The following VWA3B variants were observed in gnomAD, a reference collection of about 807,000 sequenced individuals.
VWA3B encodes von Willebrand factor A domain containing 3B.
In VWA3B, 138 loss-of-function variants were observed where a neutral mutation model predicts 158.3. The observed-to-expected ratio is 0.87, with a 90% CI of 0.76 to 1.00. VWA3B has a LOEUF of 1.00. Ranked by LOEUF, VWA3B falls within the 50% of genes least tolerant of loss-of-function variation. The pLI is 0.00. For synonymous variants in VWA3B, 596 were observed against 587.3 expected, an observed-to-expected ratio of 1.01 and a Z score of -0.21; for missense variants, 1,555 against 1,565.1, an observed-to-expected ratio of 0.99 and a Z score of 0.11.
intron 23 of VWA3B, among the ~76,000 whole-genome samples, chr2:98,296,703 G>A (rs1217361555): frequency 6.6e-6 from 1 of 152,208 alleles, no homozygotes; most frequent in African/African-American, 2.4e-5. Context: ...GTCTCCAGGA[G>A]GGTCTGTGAG....
At chr2:98,137,635 T>C (rs1159829021) in intron 7 of VWA3B, among the ~76,000 whole-genome samples, 1 of 152,182 alleles carries the variant, frequency 6.6e-6, no homozygotes, top group East Asian at 1.9e-4. Flanking sequence ...GGTTATTAAG[T>C]TTAAAGATAT....
intron 12 of VWA3B, among the ~76,000 whole-genome samples, chr2:98,210,877 T>C (rs1683452171): frequency 2.0e-5 from 3 of 152,098 alleles, no homozygotes; most frequent in Non-Finnish European, 2.9e-5. Context: ...ACTTGAGAGA[T>C]TGTGACTCCA....
In VWA3B at chr2:98,228,285, C is replaced by T. The variant is rs1574139111; in HGVS notation, c.2103C>T (p.Ser701=). ...AGATGCAAGACCTTTATTCTGAGTC[C>T]TTGATCATGGACTGGTGGTACAATG... The part of the protein sequence containing the change: ...LEKMQDLYSE[S]LIMDWWYNAE... The change falls in exon 15 of 28, where the codon TCC becomes TCT. Residue 701 remains serine, a synonymous_variant. Coordinates refer to ENST00000477737, the MANE Select transcript of VWA3B (RefSeq NM_144992.5). 6.2e-7 allele frequency: 1 copy of T among 1,613,994 alleles called. No individual in the cohort carries two copies. The highest frequency in any genetic ancestry group is 8.5e-7 in the Non-Finnish European group (1 of 1,179,970).
chr2:98,295,280 T>C (rs570597710), intron 23 of VWA3B, among the ~76,000 whole-genome samples: 314 of 152,096 alleles, frequency 2.1e-3, no homozygotes, highest in African/African-American at 7.2e-3. Flanking sequence ...TATCGGAAGG[T>C]TCTTAGAGCC....
Position 98,270,695 on chromosome 2 carries a change from A to C in VWA3B, c.2857A>C (p.Lys953Gln), listed in dbSNP as rs780526120. 6.2e-7 allele frequency: 1 copy of C among 1,613,630 alleles called. No individual in the cohort carries two copies. Residue 953 changes from lysine (K) to glutamine (Q), a missense_variant, in exon 22 of 28, where the codon AAA (lysine) becomes CAA (glutamine). By Grantham distance (53) the Lys-to-Gln change is moderately conservative. Coordinates refer to ENST00000477737, the MANE Select transcript of VWA3B (RefSeq NM_144992.5). The part of the protein sequence containing the change: ...QEEKEKLDAN[K>Q]PIQYLENKTV... The stretch of plus-strand genomic sequence containing the variant: ...TTTGTTTTTTAGGTTAGATGCAAAC[A>C]AACCAATACAGTACTTGGAAAACAA...
intron 10 of VWA3B, among the ~76,000 whole-genome samples, chr2:98,190,565 T>C (rs1269166337): frequency 6.6e-6 from 1 of 152,206 alleles, no homozygotes; most frequent in African/African-American, 2.4e-5. Context: ...TGGTGATGAA[T>C]GAGCTGTTTC....
chr2:98,302,084 G>T (rs761996769), intron 25 of VWA3B, among the ~76,000 whole-genome samples: 23 of 152,156 alleles, frequency 1.5e-4, no homozygotes, highest in Non-Finnish European at 2.9e-4. Flanking sequence ...CAGGACCCCA[G>T]TGTGGCCCCA....
chr2:98,256,159 A>T lies in VWA3B; in HGVS notation c.2828A>T (p.Gln943Leu), dbSNP rs1215085148. The T allele has an allele frequency of 6.2e-7, 1 of 1,612,338 alleles. No homozygotes were observed. The highest frequency in any genetic ancestry group is 1.3e-5 in the African/African-American group (1 of 74,412). ...AAAATTGTTTGGCGAGCATTATCTCAAGAGGAAAAAGAAAAGTAAGCCATT... is the reference window on the plus strand; with the variant it reads ...AAAATTGTTTGGCGAGCATTATCTCTAGAGGAAAAAGAAAAGTAAGCCATT... ...LNKIVWRALS[Q>L]EEKEKLDANK... Residue 943 changes from glutamine to leucine, a missense_variant, in exon 21 of 28, where the codon CAA becomes CTA. Transcript: ENST00000477737.
chr2:98,154,303 G>T (rs1328895147), intron 7 of VWA3B, among the ~76,000 whole-genome samples: 1 of 152,194 alleles, frequency 6.6e-6, no homozygotes, highest in South Asian at 2.1e-4. Flanking sequence ...CCAGTCGGCG[G>T]GGAGCCCCAG....
At chr2:98,290,360 G>A (rs966817892) in intron 22 of VWA3B, 151 bp from the exon 23 acceptor site, 1 of 620,254 alleles carries the variant, frequency 1.6e-6, no homozygotes, top group African/African-American at 1.9e-5. Flanking sequence ...CTCCCACCAG[G>A]CCCCACCTCC....
Position 98,201,095 on chromosome 2 carries a change from T to G in VWA3B, c.1737+6603T>G, listed in dbSNP as rs189435600. On this transcript the variant is annotated intron_variant, in intron 12 of 27. Coordinates refer to ENST00000477737, the MANE Select transcript of VWA3B (RefSeq NM_144992.5). ...GCTTTGTATTTCCTTCCAAATTTTT[T>G]TGGCTGTTATATAGTTCCTTTGACC... 3.3e-5 allele frequency among the ~76,000 whole-genome samples: 5 copies of G among 152,330 alleles called. No homozygotes were observed. The East Asian group carries it at 9.6e-4, about 29-fold the overall frequency.
At chr2:98,122,767 C>T (rs1288961849) in intron 5 of VWA3B, among the ~76,000 whole-genome samples, 1 of 152,216 alleles carries the variant, frequency 6.6e-6, no homozygotes, top group Non-Finnish European at 1.5e-5. Flanking sequence ...TGTTTCACTC[C>T]TTCTGGTTCG....
At chr2:98,097,152 A>G (rs1396501887) in intron 2 of VWA3B, among the ~76,000 whole-genome samples, 1 of 152,114 alleles carries the variant, frequency 6.6e-6, no homozygotes, top group Non-Finnish European at 1.5e-5. Context: ...TTTTGGTTAT[A>G]TGGATGAATT....
intron 13 of VWA3B, among the ~76,000 whole-genome samples, chr2:98,214,509 T>TAGGAG (rs1347356798): frequency 6.6e-6 from 1 of 152,190 alleles, no homozygotes; most frequent in Admixed American, 6.5e-5. Context: ...TTTCACCAGC[T>TAGGAG]AGGAGGCAAC....
intron 9 of VWA3B, among the ~76,000 whole-genome samples, chr2:98,183,318 A>G (rs1006723289): frequency 1.3e-5 from 2 of 152,050 alleles, no homozygotes; most frequent in Admixed American, 6.6e-5. Flanking sequence ...GAAGAAACTA[A>G]GGCTGTGAAA....
chr2:98,245,057 A>G (rs537344087), intron 19 of VWA3B, among the ~76,000 whole-genome samples: 1 of 152,270 alleles, frequency 6.6e-6, no homozygotes, highest in East Asian at 1.9e-4. Flanking sequence ...GTAATTATTC[A>G]TATCAATTTG....
chr2:98,292,910 G>A (rs1689582487), intron 23 of VWA3B, among the ~76,000 whole-genome samples: 1 of 151,942 alleles, frequency 6.6e-6, no homozygotes, highest in African/African-American at 2.4e-5. Flanking sequence ...GTTGCAGTGA[G>A]CCAAGATCTT....
Position 98,286,304 on chromosome 2 carries a change from T to C in VWA3B, c.3046-4207T>C, listed in dbSNP as rs1447377170. ...GTACTGGCTAGAACCTCAAATACAATGTTGAATAGAAGTGGTGAGAGTGCC... is the reference window on the plus strand; with the variant it reads ...GTACTGGCTAGAACCTCAAATACAACGTTGAATAGAAGTGGTGAGAGTGCC... On this transcript the variant is annotated intron_variant, in intron 22 of 27. Transcript: ENST00000477737. Among the ~76,000 whole-genome samples, 4 of 152,168 alleles carry C rather than the reference T, an allele frequency of 2.6e-5. No individual in the cohort carries two copies. In the East Asian group the frequency reaches 5.8e-4, roughly 22 times the overall value.
chr2:98,247,374 C>G (rs532845723), intron 19 of VWA3B, among the ~76,000 whole-genome samples: 2 of 152,224 alleles, frequency 1.3e-5, no homozygotes, highest in South Asian at 4.1e-4. Flanking sequence ...GATTTTAGTA[C>G]CTTTTAATTA....
Sources: allele counts gnomAD v4.1 joint callset (sites outside exome capture counted in the v4.1 genomes callset), GRCh38; gene constraint gnomAD v4.1.1; transcripts MANE v1.5; gene names NCBI Gene and HGNC (gene_info 2026-07-23, HGNC 2026-07-21).